BCL7B: variants seen among roughly 807,000 people sequenced by gnomAD.
BCL7B encodes BAF chromatin remodeling complex subunit BCL7B.
Under a neutral mutation model 26.5 loss-of-function variants are expected in BCL7B, and 11 were observed. That is an observed-to-expected ratio of 0.42 (90% CI 0.26 to 0.69). The LOEUF (loss-of-function observed/expected upper bound fraction) is 0.69. Among genes scored for constraint, BCL7B ranks in the 30% least tolerant of loss-of-function variants. The pLI is 0.28. For missense variants in BCL7B, 215 were observed against 264.4 expected (o/e 0.81, Z 1.30); for synonymous variants, 111 against 107.9 (o/e 1.03, Z -0.18).
chr7:73,557,476 C>T lies in BCL7B; in HGVS notation c.92+11G>A. 2 of 1,404,606 alleles carry T rather than the reference C, an allele frequency of 1.4e-6. No individual in the cohort carries two copies. Among genetic ancestry groups the T allele is most frequent in the Non-Finnish European group, 1.9e-6 (2 of 1,066,538 alleles). The allele number at this position is 1,404,606 out of a possible 1,614,324, so 87.0% of individuals were successfully genotyped here. A position where few individuals can be genotyped will look rare whatever the true frequency, so the allele number is the denominator to read the frequency against. On this transcript the variant is annotated intron_variant, in intron 1 of 5. Transcript: ENST00000223368. ...CGACCCCCGCCAGCCCCCTAAGCTCCGGCCCCTCACCATTTCCGCACTTTC... is the reference window on the plus strand; with the variant it reads ...CGACCCCCGCCAGCCCCCTAAGCTCTGGCCCCTCACCATTTCCGCACTTTC...
rs1791605377 is a variant in BCL7B, at chr7:73,537,965, G to A, written c.485C>T (p.Thr162Ile). ...SEVADEPPTL[T>I]KEEPVPLETQ... ...CTCTAGTGGAACTGGTTCTTCCTTGGTGAGGGTAGGAGGTTCATCAGCAAC... is the reference window on the plus strand; with the variant it reads ...CTCTAGTGGAACTGGTTCTTCCTTGATGAGGGTAGGAGGTTCATCAGCAAC... Residue 162 changes from threonine to isoleucine, a missense_variant, in exon 5 of 6, where the codon ACC becomes ATC. Transcript: ENST00000223368. 1 of 1,603,476 alleles carries A rather than the reference G, an allele frequency of 6.2e-7. No homozygotes were observed. The highest frequency in any genetic ancestry group is 1.3e-5 in the African/African-American group (1 of 74,340).
chr7:73,543,437 C>A, intron 3 of BCL7B, 111 bp downstream of exon 3: 1 of 1,004,624 alleles, frequency 1.0e-6, no homozygotes. Flanking sequence ...CTCAGACTCC[C>A]AAAGTGCTGA....
chr7:73,555,480 T>C (rs1792328444), intron 1 of BCL7B, among the ~76,000 whole-genome samples: 1 of 152,088 alleles, frequency 6.6e-6, no homozygotes. Context: ...GAAGGAGACT[T>C]GATCTAGATT....
At chr7:73,555,463 G>A (rs145227537) in intron 1 of BCL7B, among the ~76,000 whole-genome samples, 1,844 of 151,832 alleles carry the variant, frequency 0.012, 36 homozygotes, top group African/African-American at 0.043. Flanking sequence ...ACTGTGGAAA[G>A]GTCTATGAAG....
chr7:73,557,143 G>T, intron 1 of BCL7B: 1 of 1,006,138 alleles, frequency 9.9e-7, no homozygotes, highest in Non-Finnish European at 1.2e-6. Flanking sequence ...CGCAGGCGGG[G>T]CCACTGCCCA....
intron 3 of BCL7B, among the ~76,000 whole-genome samples, chr7:73,543,179 CTT>C (rs367675475): frequency 1.1e-4 from 16 of 142,136 alleles, no homozygotes; most frequent in South Asian, 2.2e-4. Flanking sequence ...ACACAGAATT[CTT>C]TTTTTTTTTT....
chr7:73,541,759 G>A lies in BCL7B; in HGVS notation c.266-1707C>T, dbSNP rs146365044. On this transcript the variant is annotated intron_variant, in intron 3 of 5. Transcript: ENST00000223368. ...TGGGATTACAGGCATGAGCCACCACGCCCAGCCATACCCAGTACTTCTTAG... is the reference window on the plus strand; with the variant it reads ...TGGGATTACAGGCATGAGCCACCACACCCAGCCATACCCAGTACTTCTTAG... Among the ~76,000 whole-genome samples, 31 of 152,214 alleles carry A rather than the reference G, an allele frequency of 2.0e-4. No individual in the cohort carries two copies. In the East Asian group the frequency reaches 5.0e-3, roughly 25 times the overall value.
At chr7:73,557,424 T>G in intron 1 of BCL7B, 63 bp downstream of exon 1, 1 of 1,205,144 alleles carries the variant, frequency 8.3e-7, no homozygotes, top group Non-Finnish European at 1.1e-6. Flanking sequence ...GACCCGCCAG[T>G]CCCACGCTCC....
chr7:73,542,911 C>A, intron 3 of BCL7B: 1 of 432,412 alleles, frequency 2.3e-6, no homozygotes, highest in South Asian at 1.6e-5. Context: ...TCTGTCTCTA[C>A]AAAAAATAAA....
chr7:73,549,610 A>C (rs1167574934), intron 2 of BCL7B, among the ~76,000 whole-genome samples: 1 of 152,194 alleles, frequency 6.6e-6, no homozygotes, highest in Non-Finnish European at 1.5e-5. Flanking sequence ...GGAATTTGAG[A>C]CCTATCAGCC....
chr7:73,539,472 G>A (rs1023371448), intron 4 of BCL7B, among the ~76,000 whole-genome samples: 1 of 149,166 alleles, frequency 6.7e-6, no homozygotes, highest in Non-Finnish European at 1.5e-5. Flanking sequence ...GGCTGGTCTT[G>A]AACTCCTGGC....
chr7:73,540,087 C>T lies in BCL7B; in HGVS notation c.266-35G>A, dbSNP rs782648092. The T allele has an allele frequency of 6.3e-6, 10 of 1,596,596 alleles. No homozygotes were observed. In the African/African-American group the frequency reaches 8.0e-5, roughly 13 times the overall value. ...AAACAGAACAAAGGCAGCAGCTGAG[C>T]GTGGTCATTTTCCTCAAGAGGAACT... On this transcript the variant is annotated intron_variant, in intron 3 of 5. Transcript: ENST00000223368.
At position 73,548,948 on chromosome 7, in the gene BCL7B, A is replaced by G. The variant is rs572013088; in HGVS notation, c.168+3219T>C. Among the ~76,000 whole-genome samples, 3 of 152,258 alleles carry G rather than the reference A, an allele frequency of 2.0e-5. No individual in the cohort carries two copies. The East Asian group carries it at 5.8e-4, about 29-fold the overall frequency. On this transcript the variant is annotated intron_variant, in intron 2 of 5. Coordinates refer to ENST00000223368, the MANE Select transcript of BCL7B (RefSeq NM_001707.4). ...TCCGTCTCAAAAAAACAAACAAACA[A>G]ACAAAAAAAACTCCAAAAAACAAAA...
At position 73,538,181 on chromosome 7, in the gene BCL7B, G is replaced by A. The variant is rs1393815827; in HGVS notation, c.437-168C>T. The stretch of plus-strand genomic sequence containing the variant: ...CTGGACCAGGTCACAGCCAAGAATG[G>A]TGGAAGGGCAAAATACGGCTAGACT... On this transcript the variant is annotated intron_variant, in intron 4 of 5. Coordinates refer to ENST00000223368, the MANE Select transcript of BCL7B (RefSeq NM_001707.4). The A allele has an allele frequency of 2.3e-5, 10 of 429,458 alleles. 1 individual carries two copies. The South Asian group carries it at 3.6e-4, about 15-fold the overall frequency. The allele number at this position is 429,458 out of a possible 1,614,324, so 26.6% of individuals were successfully genotyped here.
At chr7:73,537,684 T>C (rs1791593429) in intron 5 of BCL7B, among the ~76,000 whole-genome samples, 1 of 152,062 alleles carries the variant, frequency 6.6e-6, no homozygotes, top group Non-Finnish European at 1.5e-5. Context: ...GCTCAGGAGT[T>C]CGAGACTAGC....
At chr7:73,546,795 G>A (rs1316139071) in intron 2 of BCL7B, among the ~76,000 whole-genome samples, 2 of 152,094 alleles carry the variant, frequency 1.3e-5, no homozygotes, top group Non-Finnish European at 2.9e-5. Flanking sequence ...AAAGATTAAT[G>A]AGCAAAAACT....
intron 2 of BCL7B, among the ~76,000 whole-genome samples, chr7:73,545,281 C>T (rs1180787817): frequency 6.6e-6 from 1 of 152,094 alleles, no homozygotes; most frequent in Admixed American, 6.6e-5. Flanking sequence ...GGCACAATCT[C>T]GGCTCACTGC....
intron 5 of BCL7B, 38 bp from the exon 6 acceptor site, chr7:73,537,428 C>T (rs1791582724): frequency 1.9e-6 from 3 of 1,547,036 alleles, no homozygotes; most frequent in African/African-American, 1.4e-5. Flanking sequence ...AGGGCCACCC[C>T]TCCCAACCAG....
chr7:73,550,406 G>A (rs1176607388), intron 2 of BCL7B, among the ~76,000 whole-genome samples: 1 of 151,678 alleles, frequency 6.6e-6, no homozygotes, highest in African/African-American at 2.4e-5. Flanking sequence ...TTAGCCAGGC[G>A]TGGTGGCAGG....
Sources: allele counts gnomAD v4.1 joint callset (sites outside exome capture counted in the v4.1 genomes callset), GRCh38; gene constraint gnomAD v4.1.1; transcripts MANE v1.5; gene names NCBI Gene and HGNC (gene_info 2026-07-23, HGNC 2026-07-21).